Variants in NNMT observed in about 807,000 individuals in gnomAD.
NNMT encodes the protein nicotinamide N-methyltransferase.
A neutral mutation model predicts 11.7 loss-of-function variants in NNMT; 10 were observed. The observed-to-expected ratio is 0.85, with a 90% CI of 0.53 to 1.45. The LOEUF is 1.45. Ranked by LOEUF, NNMT falls within the 40% of genes most tolerant of loss-of-function variation. NNMT has a pLI of 0.00. For synonymous variants in NNMT, 143 were observed against 133.8 expected, an observed-to-expected ratio of 1.07 and a Z score of -0.48; for missense variants, 381 against 319.4, an observed-to-expected ratio of 1.19 and a Z score of -1.47.
intron 2 of NNMT, among the ~76,000 whole-genome samples, chr11:114,290,694 A>T (rs1268212987): frequency 1.3e-5 from 2 of 152,168 alleles, no homozygotes; most frequent in Admixed American, 6.5e-5. Flanking sequence ...CAGACCTTCC[A>T]CTGGGGTTCA....
chr11:114,310,697 A>T (rs1945541506), intron 2 of NNMT, among the ~76,000 whole-genome samples: 1 of 152,146 alleles, frequency 6.6e-6, no homozygotes, highest in Non-Finnish European at 1.5e-5. Context: ...GTGAGACTGG[A>T]TCTGCTCCAC....
chr11:114,299,196 C>CT (rs1280616333), intron 2 of NNMT, among the ~76,000 whole-genome samples: 1 of 152,098 alleles, frequency 6.6e-6, no homozygotes, highest in African/African-American at 2.4e-5. Flanking sequence ...ACCTCTGTGC[C>CT]TTATTCCATA....
chr11:114,273,969 A>G (rs951048039), intron 2 of NNMT, among the ~76,000 whole-genome samples: 2 of 152,210 alleles, frequency 1.3e-5, no homozygotes, highest in Non-Finnish European at 2.9e-5. Flanking sequence ...CAGGTAATTT[A>G]CAGTGGTCAA....
chr11:114,273,392 A>T (rs74688369), intron 2 of NNMT, among the ~76,000 whole-genome samples: 3,654 of 152,240 alleles, frequency 0.024, 131 homozygotes, highest in African/African-American at 0.081. Context: ...CCAGAGTCCA[A>T]ATGATATTGA....
chr11:114,283,622 T>C (rs1289809037), intron 2 of NNMT, among the ~76,000 whole-genome samples: 1 of 152,266 alleles, frequency 6.6e-6, no homozygotes, highest in Non-Finnish European at 1.5e-5. Flanking sequence ...CAATCACAGC[T>C]GTTTTACTTC....
At chr11:114,258,949 T>G (rs539738319) in intron 1 of NNMT, among the ~76,000 whole-genome samples, 5 of 152,274 alleles carry the variant, frequency 3.3e-5, no homozygotes, top group African/African-American at 1.2e-4. Context: ...TCTCAACTTC[T>G]CCTTTTTCAC....
chr11:114,311,913 C>G (rs1420385730), intron 2 of NNMT, 132 bp from the exon 3 acceptor site: 5 of 864,224 alleles, frequency 5.8e-6, no homozygotes, highest in Non-Finnish European at 8.8e-6. Context: ...TCTTCTTTCT[C>G]TCCTTTCCCG....
chr11:114,290,803 C>T (rs1046667069), intron 2 of NNMT, among the ~76,000 whole-genome samples: 1 of 152,140 alleles, frequency 6.6e-6, no homozygotes, highest in Admixed American at 6.5e-5. Context: ...CTATTTTGTC[C>T]CAATTCTTCA....
chr11:114,278,201 GA>G (rs776635411), intron 2 of NNMT, among the ~76,000 whole-genome samples: 2 of 152,154 alleles, frequency 1.3e-5, no homozygotes, highest in African/African-American at 2.4e-5. Context: ...GAAGGCAAGG[GA>G]GGAGCAGGCA....
At chr11:114,271,947 T>C (rs1945173292) in intron 2 of NNMT, among the ~76,000 whole-genome samples, 1 of 151,952 alleles carries the variant, frequency 6.6e-6, no homozygotes, top group South Asian at 2.1e-4. Context: ...GAGGGGGGCA[T>C]CTGTGCAGAG....
At chr11:114,272,931 A>C (rs917294737) in intron 2 of NNMT, among the ~76,000 whole-genome samples, 1 of 152,196 alleles carries the variant, frequency 6.6e-6, no homozygotes, top group Non-Finnish European at 1.5e-5. Flanking sequence ...ACTGTACCCT[A>C]CAGATAAAAC....
At chr11:114,307,908 C>T (rs1005836979) in intron 2 of NNMT, among the ~76,000 whole-genome samples, 8 of 151,944 alleles carry the variant, frequency 5.3e-5, no homozygotes, top group Non-Finnish European at 1.2e-4. Context: ...CCAACATCTC[C>T]CCATTAGTGC....
At position 114,312,209 on chromosome 11, in the gene NNMT, A is replaced by C. The variant is rs1555166531; in HGVS notation, c.527A>C (p.Tyr176Ser). Residue 176 changes from tyrosine to serine, a missense_variant, in exon 3 of 3, where the codon TAC becomes TCC. Tyr to Ser is a moderately radical substitution (Grantham distance 144). Coordinates refer to ENST00000299964, the MANE Select transcript of NNMT (RefSeq NM_006169.3). ...GCCGCCTGCCCAGACCTCCCCACCTACTGCAGGGCGCTCAGGAACCTCGGC... is the reference window on the plus strand; with the variant it reads ...GCCGCCTGCCCAGACCTCCCCACCTCCTGCAGGGCGCTCAGGAACCTCGGC... ...LDAACPDLPTYCRALRNLGSL... is the reference protein window; with the variant it reads ...LDAACPDLPTSCRALRNLGSL... 2.5e-6 allele frequency: 4 copies of C among 1,614,068 alleles called. No homozygotes were observed. Among genetic ancestry groups the C allele is most frequent in the Non-Finnish European group, 3.4e-6 (4 of 1,180,020 alleles).
chr11:114,309,213 T>C (rs1360192413), intron 2 of NNMT, among the ~76,000 whole-genome samples: 2 of 152,230 alleles, frequency 1.3e-5, no homozygotes, highest in Non-Finnish European at 2.9e-5. Flanking sequence ...CTAGATTAGT[T>C]TGTCTATTCA....
At chr11:114,290,631 G>GA (rs1470228033) in intron 2 of NNMT, among the ~76,000 whole-genome samples, 1 of 152,112 alleles carries the variant, frequency 6.6e-6, no homozygotes, top group Non-Finnish European at 1.5e-5. Flanking sequence ...ATGTCTATTA[G>GA]AATCACCCAC....
chr11:114,262,246 G>A lies in NNMT; in HGVS notation c.-216-602G>A, dbSNP rs58417227. 3.5e-3 allele frequency among the ~76,000 whole-genome samples: 535 copies of A among 152,130 alleles called. 4 individuals carry two copies. Among genetic ancestry groups the A allele is most frequent in the African/African-American group, 0.012 (506 of 41,472 alleles). On this transcript the variant is annotated intron_variant, in intron 1 of 4. Coordinates refer to the NNMT transcript ENST00000535401. ...AGGGGTACATGTGCCGGATGTGCAG[G>A]TTTGTTCCATAGGCAAACATGCGCC... is the stretch of plus-strand genomic sequence containing the variant.
At chr11:114,303,638 C>T (rs764385940) in intron 2 of NNMT, among the ~76,000 whole-genome samples, 1 of 152,174 alleles carries the variant, frequency 6.6e-6, no homozygotes, top group Non-Finnish European at 1.5e-5. Flanking sequence ...TATTTTGTCA[C>T]TCTTACACAT....
At chr11:114,280,777 G>A (rs1286235203) in intron 2 of NNMT, among the ~76,000 whole-genome samples, 5 of 152,076 alleles carry the variant, frequency 3.3e-5, no homozygotes, top group African/African-American at 1.2e-4. Flanking sequence ...TCACTCTCTG[G>A]GCACAAGAGG....
intron 2 of NNMT, among the ~76,000 whole-genome samples, chr11:114,291,239 C>T (rs886143169): frequency 1.3e-5 from 2 of 152,200 alleles, no homozygotes; most frequent in African/African-American, 4.8e-5. Flanking sequence ...ACCCACCCTT[C>T]TGTACTCTGT....
Sources: allele counts gnomAD v4.1 joint callset (sites outside exome capture counted in the v4.1 genomes callset), GRCh38; gene constraint gnomAD v4.1.1; transcripts MANE v1.5; gene names NCBI Gene and HGNC (gene_info 2026-07-23, HGNC 2026-07-21).